The following FHIT variants were observed in gnomAD, a reference collection of about 807,000 sequenced individuals.
The protein encoded by FHIT is bis(5'-adenosyl)-triphosphatase.
In FHIT, 19 loss-of-function variants were observed where a neutral mutation model predicts 17.9. That is an observed-to-expected ratio of 1.06 (90% confidence interval 0.74 to 1.56). The LOEUF is 1.56. Ranked by LOEUF, FHIT falls within the 40% of genes most tolerant of loss-of-function variation. FHIT has a pLI of 0.00. For synonymous variants in FHIT, 81 were observed against 69.7 expected, an observed-to-expected ratio of 1.16 and a Z score of -0.81; for missense variants, 248 against 189.2, an observed-to-expected ratio of 1.31 and a Z score of -1.82.
chr3:61,167,145 G>T (rs983898638), intron 2 of FHIT: 1 of 151,976 alleles, frequency 6.6e-6, no homozygotes, highest in African/African-American at 2.4e-5. Flanking sequence ...TTTAGAAACG[G>T]ATTATCTACT....
intron 7 of FHIT, among the ~76,000 whole-genome samples, chr3:59,977,138 G>C (rs961736493): frequency 6.6e-6 from 1 of 152,084 alleles, no homozygotes; most frequent in African/African-American, 2.4e-5. Flanking sequence ...TAAGATCTTA[G>C]AATGCATTTT....
At chr3:60,614,367 T>A (rs1416794749) in intron 4 of FHIT, among the ~76,000 whole-genome samples, 3 of 152,058 alleles carry the variant, frequency 2.0e-5, no homozygotes, top group Non-Finnish European at 2.9e-5. Context: ...TCCCAGCACT[T>A]TGGAGGTGGA....
intron 8 of FHIT, among the ~76,000 whole-genome samples, chr3:59,876,427 C>T (rs1405618226): frequency 7.4e-6 from 1 of 135,126 alleles, no homozygotes; most frequent in Non-Finnish European, 1.6e-5. Context: ...GCCACTGGGA[C>T]AGGGGCAGGG....
At chr3:61,205,137 C>T (rs1222203228) in intron 1 of FHIT, among the ~76,000 whole-genome samples, 2 of 152,190 alleles carry the variant, frequency 1.3e-5, no homozygotes, top group Non-Finnish European at 2.9e-5. Flanking sequence ...CATGTCCCTA[C>T]AAAGGACATG....
At chr3:60,154,556 T>C (rs940454467) in intron 5 of FHIT, among the ~76,000 whole-genome samples, 1 of 152,214 alleles carries the variant, frequency 6.6e-6, no homozygotes, top group African/African-American at 2.4e-5. Flanking sequence ...CTGTTTCCAA[T>C]TAATGCAAAC....
intron 3 of FHIT, among the ~76,000 whole-genome samples, chr3:60,864,311 G>C (rs1553753365): frequency 6.6e-6 from 1 of 152,134 alleles, no homozygotes. Context: ...AGATTAAGAA[G>C]CTGAGGTACA....
intron 5 of FHIT, among the ~76,000 whole-genome samples, chr3:60,171,896 A>G (rs1377611710): frequency 6.6e-6 from 1 of 151,902 alleles, no homozygotes; most frequent in African/African-American, 2.4e-5. Flanking sequence ...ATGGGATCTC[A>G]CTATGTTGCC....
chr3:60,202,543 T>C (rs1323964691), intron 5 of FHIT, among the ~76,000 whole-genome samples: 2 of 152,186 alleles, frequency 1.3e-5, no homozygotes, highest in African/African-American at 4.8e-5. Context: ...GTAGAGTAGT[T>C]ATGGTTGCCT....
In FHIT at chr3:59,869,882, T is replaced by C. The variant is rs558191677; in HGVS notation, c.348+52464A>G. On this transcript the variant is annotated intron_variant, in intron 8 of 9. Coordinates refer to ENST00000492590, the MANE Select transcript of FHIT (RefSeq NM_002012.4). Reference sequence around the variant, plus strand: ...GAAATTTTACTCTTAGTTTTCTTCTTTATGGTCACCCAAATCTAGATTATT... The same window carrying C: ...GAAATTTTACTCTTAGTTTTCTTCTCTATGGTCACCCAAATCTAGATTATT... Among the ~76,000 whole-genome samples the C allele has an allele frequency of 3.9e-5, 6 of 152,246 alleles. No individual in the cohort carries two copies. The East Asian group carries it at 9.6e-4, about 24-fold the overall frequency.
chr3:60,176,343 C>T (rs904419674), intron 5 of FHIT, among the ~76,000 whole-genome samples: 3 of 152,078 alleles, frequency 2.0e-5, no homozygotes, highest in Non-Finnish European at 4.4e-5. Flanking sequence ...CAGAGTGAGA[C>T]TCCATCTCAA....
intron 5 of FHIT, among the ~76,000 whole-genome samples, chr3:60,256,401 T>C (rs1014593203): frequency 3.9e-5 from 6 of 152,218 alleles, no homozygotes; most frequent in Non-Finnish European, 2.9e-5. Flanking sequence ...TCCAGAACTG[T>C]AAGCAATAAA....
At chr3:60,441,770 T>TACACACACA (rs1212814907) in intron 5 of FHIT, among the ~76,000 whole-genome samples, 1 of 42,556 alleles carries the variant, frequency 2.3e-5, no homozygotes, top group African/African-American at 5.6e-5. Flanking sequence ...ATATATATAT[T>TACACACACA]TATATGTATA....
chr3:59,867,250 G>A (rs1178886228), intron 8 of FHIT, among the ~76,000 whole-genome samples: 1 of 145,984 alleles, frequency 6.9e-6, no homozygotes, highest in Non-Finnish European at 1.5e-5. Context: ...TTGTTATGGA[G>A]TTTGTCCTTC....
chr3:60,425,854 A>G (rs1019507074), intron 5 of FHIT, among the ~76,000 whole-genome samples: 9 of 152,070 alleles, frequency 5.9e-5, no homozygotes, highest in African/African-American at 1.9e-4. Context: ...AAATCAATAT[A>G]TATTTATTGA....
At chr3:60,930,006 C>T (rs1247470260) in intron 3 of FHIT, among the ~76,000 whole-genome samples, 1 of 152,060 alleles carries the variant, frequency 6.6e-6, no homozygotes, top group African/African-American at 2.4e-5. Flanking sequence ...GGTACTGGTA[C>T]CAAAACAGAG....
intron 1 of FHIT, among the ~76,000 whole-genome samples, chr3:61,218,585 G>C (rs1021021295): frequency 8.5e-5 from 13 of 152,272 alleles, no homozygotes; most frequent in African/African-American, 3.1e-4. Context: ...ATGTATCAAG[G>C]TAATGGAGAA....
At chr3:60,873,061 T>C (rs1704480007) in intron 3 of FHIT, among the ~76,000 whole-genome samples, 1 of 151,922 alleles carries the variant, frequency 6.6e-6, no homozygotes, top group Non-Finnish European at 1.5e-5. Context: ...ACTTGTAGGG[T>C]AGCATGCCAA....
At chr3:59,841,092 T>C (rs1024577615) in intron 8 of FHIT, among the ~76,000 whole-genome samples, 1 of 152,214 alleles carries the variant, frequency 6.6e-6, no homozygotes, top group African/African-American at 2.4e-5. Context: ...GAAGGTCAAG[T>C]TGGCTTGCTA....
chr3:60,046,528 C>G (rs1701661141), intron 5 of FHIT, among the ~76,000 whole-genome samples: 1 of 152,148 alleles, frequency 6.6e-6, no homozygotes, highest in Admixed American at 6.6e-5. Context: ...CATTAGTTCT[C>G]CACTTTCATG....
Sources: allele counts gnomAD v4.1 joint callset (sites outside exome capture counted in the v4.1 genomes callset), GRCh38; gene constraint gnomAD v4.1.1; transcripts MANE v1.5; gene names NCBI Gene and HGNC (gene_info 2026-07-23, HGNC 2026-07-21).